Variants in TMPRSS9 observed in about 807,000 individuals in gnomAD.
TMPRSS9 encodes the protein transmembrane serine protease 9.
Under a neutral mutation model 111.4 loss-of-function variants are expected in TMPRSS9, and 113 were observed. The observed-to-expected ratio is 1.01, with a 90% CI of 0.87 to 1.19. TMPRSS9 has a LOEUF of 1.19. TMPRSS9 is among the 50% of genes most tolerant of loss of function. The pLI is 0.00. For synonymous variants in TMPRSS9, 805 were observed against 659.1 expected (o/e 1.22, Z -3.39); for missense variants, 1,803 against 1,513.1 (o/e 1.19, Z -3.18).
At position 2,415,867 on chromosome 19, in the gene TMPRSS9, C is replaced by G; in HGVS notation, c.1745+26C>G. ...GTAAGGCCCGCCTCCTCCAGGAAGG[C>G]TGCCCGGCTTCCCCTCCTCACCAGC... is the stretch of plus-strand genomic sequence containing the variant. On this transcript the variant is annotated intron_variant, in intron 11 of 17. Coordinates refer to ENST00000648592, the Ensembl canonical transcript of TMPRSS9. 5 of 1,547,498 alleles carry G rather than the reference C, an allele frequency of 3.2e-6. No individual in the cohort carries two copies. The Admixed American group carries it at 9.1e-5, about 28-fold the overall frequency.
At chr19:2,402,076 C>T in intron 5 of TMPRSS9, 60 bp downstream of exon 6, 16 of 1,555,454 alleles carry the variant, frequency 1.0e-5, no homozygotes, top group African/African-American at 1.4e-5. Flanking sequence ...TTTCCTAAGA[C>T]TCATTTCAAG....
At chr19:2,412,662 C>CTCTG (rs1401344036) in intron 9 of TMPRSS9, among the ~76,000 whole-genome samples, 1 of 152,136 alleles carries the variant, frequency 6.6e-6, no homozygotes, top group African/African-American at 2.4e-5. Context: ...CTGCCACTTC[C>CTCTG]TCTGTCAGCC....
chr19:2,368,760 C>T (rs78149997), intron 1 of TMPRSS9, among the ~76,000 whole-genome samples: 2,039 of 126,062 alleles, frequency 0.016, 56 homozygotes, highest in African/African-American at 0.055. Flanking sequence ...GCCAGGGCAT[C>T]AAGGATAAAC....
intron 9 of TMPRSS9, among the ~76,000 whole-genome samples, chr19:2,411,299 CAAAAAAAAAAAAAAAAAAA>C (rs771305642): frequency 1.9e-4 from 6 of 32,304 alleles, no homozygotes; most frequent in African/African-American, 2.9e-4. Context: ...GACTCTGTCT[CAAAAAAAAAAAAAAAAAAA>C]AAAAAAAAAA....
intron 1 of TMPRSS9, among the ~76,000 whole-genome samples, chr19:2,373,617 G>A (rs1029575392): frequency 3.3e-5 from 5 of 151,190 alleles, no homozygotes; most frequent in Non-Finnish European, 7.4e-5. Context: ...CACCCACCTC[G>A]GCCTCCCAAA....
In TMPRSS9 at chr19:2,418,187, C is replaced by G; in HGVS notation, c.2154+49C>G. The G allele has an allele frequency of 4.5e-6, 7 of 1,544,560 alleles. 1 individual carries two copies. The highest frequency in any genetic ancestry group is 6.2e-6 in the Non-Finnish European group (7 of 1,136,056). ...GGGCAATATTTCCATGAAATGCCCACAGCCGTTCACCCAGCAGTTCTTTGT... is the reference window on the plus strand; with the variant it reads ...GGGCAATATTTCCATGAAATGCCCAGAGCCGTTCACCCAGCAGTTCTTTGT... On this transcript the variant is annotated intron_variant, in intron 13 of 17. Transcript: ENST00000648592.
At position 2,391,237 on chromosome 19, in the gene TMPRSS9, C is replaced by CAAAAAAA. The variant is rs10650164; in HGVS notation, c.142+1326_142+1332dup. 3.1e-3 allele frequency among the ~76,000 whole-genome samples: 164 copies of CAAAAAAA among 52,986 alleles called. 17 individuals are homozygous for CAAAAAAA. Among genetic ancestry groups the CAAAAAAA allele is most frequent in the African/African-American group, 0.015 (135 of 8,966 alleles). 34.8% of individuals were successfully genotyped at this position (52,986 alleles called of 152,430 possible). On this transcript the variant is annotated intron_variant, in intron 1 of 17. Transcript: ENST00000648592. ...CCTGGGCAACAGAGCAATTCCATCT[C>CAAAAAAA]AAAAAAAAAAAAAAAAAAAAAAGTT...
chr19:2,361,206 AGGTGG>A (rs1285328483), intron 1 of TMPRSS9, among the ~76,000 whole-genome samples: 1 of 20,898 alleles, frequency 4.8e-5, no homozygotes, highest in Non-Finnish European at 8.7e-5. Context: ...CTGGGGTGGG[AGGTGG>A]GGCTGGGGTG....
At chr19:2,365,816 G>A (rs1166952520) in intron 1 of TMPRSS9, among the ~76,000 whole-genome samples, 1 of 151,848 alleles carries the variant, frequency 6.6e-6, no homozygotes, top group Non-Finnish European at 1.5e-5. Context: ...CTAAAAAAAT[G>A]AGCCAGGCAT....
chr19:2,416,497 G>A, intron 11 of TMPRSS9, 41 bp from the exon 13 acceptor site: 1 of 1,577,814 alleles, frequency 6.3e-7, no homozygotes, highest in Non-Finnish European at 8.6e-7. Context: ...AGGCGGGCAT[G>A]TGCTGGAGGG....
exon 12 of TMPRSS9, chr19:2,416,593 G>A (rs1971237888): frequency 1.2e-6 from 2 of 1,612,188 alleles, no homozygotes; most frequent in Admixed American, 1.7e-5. Context: ...CCTGGGCCTG[G>A]GCGGGAGCCC....
chr19:2,402,122 G>A (rs1291791073), intron 5 of TMPRSS9, 106 bp downstream of exon 6: 5 of 1,124,146 alleles, frequency 4.4e-6, no homozygotes, highest in Non-Finnish European at 1.3e-6. Context: ...GCTGGGCGCG[G>A]TGGCTCACAT....
intron 11 of TMPRSS9, chr19:2,416,152 T>C (rs912075572): frequency 3.4e-5 from 14 of 415,816 alleles, no homozygotes; most frequent in African/African-American, 6.1e-5. Flanking sequence ...GGCAGGAGAA[T>C]TGCTTGAGCC....
exon 14 of TMPRSS9, chr19:2,421,970 C>A (rs534991644): frequency 3.7e-6 from 6 of 1,613,104 alleles, no homozygotes; most frequent in Admixed American, 1.7e-5. Flanking sequence ...TGTACACGCG[C>A]ATCACCAGGC....
At chr19:2,426,120 C>T (rs755331726) in exon 18 of TMPRSS9, 35 of 1,586,500 alleles carry the variant, frequency 2.2e-5, no homozygotes, top group Non-Finnish European at 2.6e-5. Context: ...CGAGACTCTA[C>T]GTGAAAGCAA....
intron 1 of TMPRSS9, among the ~76,000 whole-genome samples, chr19:2,394,230 C>G (rs1970661259): frequency 7.3e-6 from 1 of 137,488 alleles, no homozygotes; most frequent in Non-Finnish European, 1.6e-5. Flanking sequence ...AGAAAGCTAG[C>G]CAGCCAGGCG....
chr19:2,422,012 C>G, exon 14 of TMPRSS9: 1 of 1,613,004 alleles, frequency 6.2e-7, no homozygotes, highest in Non-Finnish European at 8.5e-7. Context: ...TCATGTCCTC[C>G]CAGCCCCTTC....
rs775121026 is a variant in TMPRSS9 at position 2,425,134 on chromosome 19, G to A, written c.2850G>A (p.Val950=). The change falls in exon 16 of 18, where the codon GTG becomes GTA. Residue 950 remains valine (V), a synonymous_variant. Transcript: ENST00000648592. ...ATCTCTACACGCTCGACTACGACGT[G>A]GCGCTGCTGGAGCTGGCGGGGCCGG... 1.2e-5 allele frequency: 19 copies of A among 1,581,398 alleles called. No homozygotes were observed. In the South Asian group the frequency reaches 2.0e-4, roughly 17 times the overall value.
At chr19:2,426,126 A>T in exon 18 of TMPRSS9, 1 of 1,514,076 alleles carries the variant, frequency 6.6e-7, no homozygotes, top group African/African-American at 1.8e-5. Flanking sequence ...TCTACGTGAA[A>T]GCAACAGGAG....
Sources: gnomAD v4.1 joint callset for allele counts (sites outside exome capture counted in the v4.1 genomes callset) on GRCh38, gnomAD v4.1.1 for gene constraint, MANE v1.5 for transcripts, NCBI Gene and HGNC (gene_info 2026-07-23, HGNC 2026-07-21) for gene names.